BTBD8: variants seen among roughly 807,000 people sequenced by gnomAD.
BTBD8 encodes the protein BTB domain containing 8, also known as BTB/POZ domain-containing protein 8.
In BTBD8, 110 loss-of-function variants were observed where a neutral mutation model predicts 162.9. The observed-to-expected ratio is 0.68, with a 90% CI of 0.58 to 0.79. The LOEUF is 0.79. BTBD8 is among the 30% of genes least tolerant of loss of function. BTBD8 has a pLI of 0.00. For synonymous variants in BTBD8, 667 were observed against 716.1 expected (o/e 0.93, Z 1.10); for missense variants, 1,905 against 2,085.4 (o/e 0.91, Z 1.68).
intron 4 of BTBD8, among the ~76,000 whole-genome samples, chr1:92,120,922 A>G (rs1197752868): frequency 6.6e-6 from 1 of 152,060 alleles, no homozygotes. Context: ...ACCACCAAGC[A>G]TGGCTAATTT....
chr1:92,085,010 T>C (rs1214112962), intron 1 of BTBD8, among the ~76,000 whole-genome samples: 2 of 152,176 alleles, frequency 1.3e-5, no homozygotes, highest in Admixed American at 6.5e-5. Context: ...TAAAATCCCA[T>C]TGGGTTTTCA....
rs745561795 is a variant in BTBD8, at chr1:92,139,391, A to G, written c.794A>G (p.Tyr265Cys). 1.3e-6 allele frequency: 2 copies of G among 1,595,908 alleles called. No individual in the cohort carries two copies. Among genetic ancestry groups the G allele is most frequent in the Non-Finnish European group, 1.7e-6 (2 of 1,174,902 alleles). ...CTGAATGTTATGATGCATTTTATAT[A>G]TGGAGGAACTCTGGACATTCCAGAC... is the stretch of plus-strand genomic sequence containing the variant. ...VELNVMMHFI[Y>C]GGTLDIPDKT... The change falls in exon 6 of 18, where the codon TAT becomes TGT. Residue 265 changes from tyrosine (Y) to cysteine (C), a missense_variant. Transcript: ENST00000636805.
At chr1:92,115,395 T>C in intron 4 of BTBD8, 1 of 485,832 alleles carries the variant, frequency 2.1e-6, no homozygotes, top group Non-Finnish European at 4.0e-6. Flanking sequence ...ATACTTCTTA[T>C]GGCTCATGCC....
intron 4 of BTBD8, among the ~76,000 whole-genome samples, chr1:92,123,605 A>T (rs921425301): frequency 6.6e-6 from 1 of 151,682 alleles, no homozygotes; most frequent in African/African-American, 2.4e-5. Flanking sequence ...GTAAATGGAA[A>T]TTTTTTCTTT....
At chr1:92,089,658 TAAAC>T (rs1178246173) in intron 2 of BTBD8, among the ~76,000 whole-genome samples, 3 of 152,134 alleles carry the variant, frequency 2.0e-5, no homozygotes, top group Non-Finnish European at 2.9e-5. Flanking sequence ...GCAAAAGAGA[TAAAC>T]AAACTTTCTT....
rs759202684 is a variant in BTBD8 at position 92,181,018 on chromosome 1, C to T, written c.3335C>T (p.Ser1112Leu). Reference sequence around the variant, plus strand: ...TCTAATCCAGTTTGTGATTTAGACTCAACAAGTGCAGGGCAAATCCATTTG... The same window carrying T: ...TCTAATCCAGTTTGTGATTTAGACTTAACAAGTGCAGGGCAAATCCATTTG... ...LNSNPVCDLD[S>L]TSAGQIHLIS... Residue 1112 changes from serine (S) to leucine (L), a missense_variant, in exon 17 of 18, where the codon TCA becomes TTA. This residue lies in a region of BTBD8 where 1,374 missense variants were observed against 1,442.7 expected (regional missense o/e 0.95). Transcript: ENST00000636805. 4 of 1,551,834 alleles carry T rather than the reference C, an allele frequency of 2.6e-6. No individual in the cohort carries two copies. Among genetic ancestry groups the T allele is most frequent in the East Asian group, 4.9e-5 (2 of 40,912 alleles).
chr1:92,099,231 T>TA (rs1648525976), intron 2 of BTBD8, among the ~76,000 whole-genome samples: 1 of 152,220 alleles, frequency 6.6e-6, no homozygotes, highest in Non-Finnish European at 1.5e-5. Flanking sequence ...GACTCAGTTC[T>TA]ATTCCACTGA....
chr1:92,110,277 T>G (rs1471946416), intron 4 of BTBD8, among the ~76,000 whole-genome samples: 1 of 152,220 alleles, frequency 6.6e-6, no homozygotes. Context: ...ACAATCTGCA[T>G]GCGTTTTAAT....
At chr1:92,081,869 C>T (rs955019981) in intron 1 of BTBD8, among the ~76,000 whole-genome samples, 1 of 152,186 alleles carries the variant, frequency 6.6e-6, no homozygotes, top group Admixed American at 6.5e-5. Flanking sequence ...CCACTGCGCC[C>T]AGCCAGGATT....
Position 92,102,606 on chromosome 1 carries a change from T to C in BTBD8, c.481T>C (p.Ser161Pro). The C allele has an allele frequency of 6.3e-7, 1 of 1,593,026 alleles. No individual in the cohort carries two copies. The highest frequency in any genetic ancestry group is 1.7e-5 in the Admixed American group (1 of 57,318). ...FPKCENSSDC[S>P]LQKHEIPEDI... ...AAAGTGTGAAAACTCATCTGATTGT[T>C]CTCTTCAGAAGCATGAAATTCCAGA... The change falls in exon 3 of 18, where the codon TCT becomes CCT. Residue 161 changes from serine to proline, a missense_variant. This residue lies in a region of BTBD8 where 1,374 missense variants were observed against 1,442.7 expected (regional missense o/e 0.95). Coordinates refer to ENST00000636805, the MANE Select transcript of BTBD8 (RefSeq NM_001376131.1).
At chr1:92,167,281 T>C (rs1650408431) in intron 10 of BTBD8, 141 bp downstream of exon 10, 4 of 1,150,738 alleles carry the variant, frequency 3.5e-6, no homozygotes, top group East Asian at 2.6e-5. Flanking sequence ...CATGTTTACA[T>C]AGGATTTAAG....
chr1:92,081,137 A>G (rs1378388086), intron 1 of BTBD8, among the ~76,000 whole-genome samples: 1 of 152,228 alleles, frequency 6.6e-6, no homozygotes, highest in Non-Finnish European at 1.5e-5. Context: ...GAAATGAGGA[A>G]AGAACAATAC....
chr1:92,137,137 A>G (rs1649654480), intron 5 of BTBD8, among the ~76,000 whole-genome samples: 1 of 152,218 alleles, frequency 6.6e-6, no homozygotes, highest in South Asian at 2.1e-4. Flanking sequence ...ATCTTGGAAC[A>G]GCTGCTAGAG....
In BTBD8 at chr1:92,080,532, C is replaced by T. The variant is rs1415174396; in HGVS notation, c.-40C>T. ...TTCCTCCTGGGCGGGGCAAGTGAGG[C>T]CAAGTACTGGGCCTCCAGGGCGTCG... On this transcript the variant is annotated 5_prime_UTR_variant, in exon 1 of 18. Coordinates refer to ENST00000636805, the MANE Select transcript of BTBD8 (RefSeq NM_001376131.1). The T allele has an allele frequency of 1.2e-6, 2 of 1,606,536 alleles. No individual in the cohort carries two copies. Among genetic ancestry groups the T allele is most frequent in the African/African-American group, 1.3e-5 (1 of 74,342 alleles).
At position 92,093,318 on chromosome 1, in the gene BTBD8, G is replaced by C. The variant is rs542474024; in HGVS notation, c.347+4423G>C. Among the ~76,000 whole-genome samples the C allele has an allele frequency of 2.0e-5, 3 of 149,744 alleles. No homozygotes were observed. In the South Asian group the frequency reaches 6.3e-4, roughly 31 times the overall value. ...AGCAATTCTCCAGCCTCAGCCTCTTGAGTAGCTGGGATTACAGGCATGTGT... is the reference window on the plus strand; with the variant it reads ...AGCAATTCTCCAGCCTCAGCCTCTTCAGTAGCTGGGATTACAGGCATGTGT... On this transcript the variant is annotated intron_variant, in intron 2 of 17. Coordinates refer to ENST00000636805, the MANE Select transcript of BTBD8 (RefSeq NM_001376131.1).
intron 1 of BTBD8, among the ~76,000 whole-genome samples, chr1:92,082,312 A>G (rs1011054069): frequency 2.6e-5 from 4 of 152,222 alleles, no homozygotes; most frequent in African/African-American, 7.2e-5. Context: ...TCATTTATTT[A>G]TTCTACAAAT....
rs533885357 is a variant in BTBD8, at chr1:92,153,873, T to G, written c.1122+6087T>G. ...TTCAGTTCTTTTGAATGAATGCTGA[T>G]GTGCTTTGGATGTTTGTCCTCTCCA... On this transcript the variant is annotated intron_variant, in intron 9 of 17. Coordinates refer to ENST00000636805, the MANE Select transcript of BTBD8 (RefSeq NM_001376131.1). 5.0e-4 allele frequency among the ~76,000 whole-genome samples: 76 copies of G among 152,314 alleles called. 1 individual carries two copies. Among genetic ancestry groups the G allele is most frequent in the Admixed American group, 4.9e-3 (75 of 15,296 alleles).
At position 92,184,270 on chromosome 1, in the gene BTBD8, C is replaced by T. The variant is rs1651016745; in HGVS notation, c.5319C>T (p.Ser1773=). The T allele has an allele frequency of 1.3e-6, 2 of 1,551,584 alleles. No individual in the cohort carries two copies. Among genetic ancestry groups the T allele is most frequent in the Non-Finnish European group, 1.7e-6 (2 of 1,146,832 alleles). ...CGAGCATCACCATGGCTAGTTTTTCCTCTGAAGATTGTTCGCCTCAAGGCG... is the reference window on the plus strand; with the variant it reads ...CGAGCATCACCATGGCTAGTTTTTCTTCTGAAGATTGTTCGCCTCAAGGCG... ...SSASITMASF[S]SEDCSPQGEW... Residue 1773 remains serine, a synonymous_variant, in exon 18 of 18, where the codon TCC becomes TCT. Transcript: ENST00000636805.
Position 92,182,270 on chromosome 1 carries a change from T to G in BTBD8, c.4587T>G (p.Ser1529Arg). Residue 1529 changes from serine to arginine, a missense_variant, in exon 17 of 18, where the codon AGT becomes AGG. By Grantham distance (110) the Ser-to-Arg change is moderately radical. Around this residue, in one of 3 missense-constraint regions of BTBD8, gnomAD observed 517 missense variants for 606.6 expected, o/e 0.85. Coordinates refer to ENST00000636805, the MANE Select transcript of BTBD8 (RefSeq NM_001376131.1). The part of the protein sequence containing the change: ...SIDSSRKNKQ[S>R]VSATEKKNTI... ...ACTCTTCAAGAAAAAATAAACAGAGTGTTTCAGCCACAGAAAAAAAGAACA... is the reference window on the plus strand; with the variant it reads ...ACTCTTCAAGAAAAAATAAACAGAGGGTTTCAGCCACAGAAAAAAAGAACA... The G allele has an allele frequency of 6.4e-7, 1 of 1,550,792 alleles. No individual in the cohort carries two copies. Among genetic ancestry groups the G allele is most frequent in the Non-Finnish European group, 8.7e-7 (1 of 1,146,734 alleles).
Sources: allele counts gnomAD v4.1 joint callset (sites outside exome capture counted in the v4.1 genomes callset), GRCh38; gene constraint gnomAD v4.1.1; regional missense constraint gnomAD v4.1.1; transcripts MANE v1.5; gene names NCBI Gene and HGNC (gene_info 2026-07-23, HGNC 2026-07-21).